The following NOL4 variants were observed in gnomAD, a reference collection of about 807,000 sequenced individuals.
The protein encoded by NOL4 is nucleolar protein 4, also known as cancer/testis antigen 125.
Under a neutral mutation model 75.9 loss-of-function variants are expected in NOL4, and 17 were observed. The observed-to-expected ratio is 0.22, with a 90% CI of 0.15 to 0.34. The LOEUF (loss-of-function observed/expected upper bound fraction) is 0.34. Among genes scored for constraint, NOL4 ranks in the 10% least tolerant of loss-of-function variants. NOL4 has a pLI of 1.00. For synonymous variants in NOL4, 292 were observed against 289.9 expected, an observed-to-expected ratio of 1.01 and a Z score of -0.07; for missense variants, 614 against 793.5, an observed-to-expected ratio of 0.77 and a Z score of 2.72.
In NOL4 at chr18:33,958,427, A is replaced by G; in HGVS notation, c.1057-9T>C. ...TAACTATGTGCAGGAGACTGAAAAG[A>G]GAAGGTGAAATAACTGCTTTTAAAT... On this transcript the variant is annotated splice_polypyrimidine_tract_variant and intron_variant, in intron 6 of 10. Transcript: ENST00000261592. 1 of 1,588,988 alleles carries G rather than the reference A, an allele frequency of 6.3e-7. No individual in the cohort carries two copies. Among genetic ancestry groups the G allele is most frequent in the African/African-American group, 1.3e-5 (1 of 74,086 alleles).
intron 5 of NOL4, among the ~76,000 whole-genome samples, chr18:34,073,228 T>A (rs1462822521): frequency 1.3e-5 from 2 of 151,978 alleles, no homozygotes; most frequent in Non-Finnish European, 2.9e-5. Context: ...ATATCAGGAA[T>A]GAAAGGTGAT....
intron 5 of NOL4, among the ~76,000 whole-genome samples, chr18:34,058,570 C>T (rs758325571): frequency 6.6e-6 from 1 of 152,154 alleles, no homozygotes; most frequent in Non-Finnish European, 1.5e-5. Context: ...CATTTACCAT[C>T]TGGGTGTAAT....
intron 8 of NOL4, among the ~76,000 whole-genome samples, chr18:33,949,116 A>C (rs942223184): frequency 3.3e-5 from 5 of 152,074 alleles, no homozygotes; most frequent in African/African-American, 1.2e-4. Context: ...AGGCCCCACT[A>C]TGGGTGTTAT....
intron 6 of NOL4, among the ~76,000 whole-genome samples, chr18:33,985,774 A>G (rs1297581203): frequency 6.6e-6 from 1 of 152,108 alleles, no homozygotes; most frequent in African/African-American, 2.4e-5. Flanking sequence ...TCTTTGTTGT[A>G]TGTTGGGAAA....
intron 9 of NOL4, among the ~76,000 whole-genome samples, chr18:33,897,234 C>G (rs1483375674): frequency 3.9e-5 from 6 of 152,082 alleles, no homozygotes; most frequent in African/African-American, 1.4e-4. Flanking sequence ...AAAAGCAGAA[C>G]TACCATTTGA....
intron 5 of NOL4, among the ~76,000 whole-genome samples, chr18:34,035,340 T>G (rs1351972903): frequency 6.6e-6 from 1 of 152,098 alleles, no homozygotes; most frequent in African/African-American, 2.4e-5. Context: ...TAGTTGGAAA[T>G]TAAACAATAT....
intron 1 of NOL4, among the ~76,000 whole-genome samples, chr18:34,132,386 C>G (rs1229609724): frequency 6.6e-6 from 1 of 152,140 alleles, no homozygotes; most frequent in East Asian, 1.9e-4. Flanking sequence ...CAAATTGTGC[C>G]ATAGGAGCAT....
intron 9 of NOL4, among the ~76,000 whole-genome samples, chr18:33,889,846 G>T (rs1039543390): frequency 2.6e-5 from 4 of 152,108 alleles, no homozygotes; most frequent in African/African-American, 9.7e-5. Flanking sequence ...AGTCCTTCAT[G>T]CTAAAAACTC....
chr18:33,922,952 TTC>T (rs1364558561), intron 9 of NOL4, among the ~76,000 whole-genome samples: 1 of 152,154 alleles, frequency 6.6e-6, no homozygotes, highest in South Asian at 2.1e-4. Context: ...ATTATTGAAA[TTC>T]TGTTTAAAAA....
At chr18:34,091,819 G>C (rs2078536017) in intron 5 of NOL4, among the ~76,000 whole-genome samples, 1 of 152,144 alleles carries the variant, frequency 6.6e-6, no homozygotes, top group African/African-American at 2.4e-5. Flanking sequence ...TGTAAGGCAA[G>C]GAAGGGTTAG....
At chr18:34,059,216 T>G (rs1190452403) in intron 5 of NOL4, among the ~76,000 whole-genome samples, 1 of 149,822 alleles carries the variant, frequency 6.7e-6, no homozygotes, top group African/African-American at 2.4e-5. Context: ...AGACCAACTC[T>G]CTGTGAGAGT....
At chr18:34,074,517 C>T (rs12458312) in intron 5 of NOL4, among the ~76,000 whole-genome samples, 58,380 of 151,478 alleles carry the variant, frequency 0.39, 11,402 homozygotes, top group Admixed American at 0.47. Flanking sequence ...TTATAGTATC[C>T]ATTTTTTATG....
intron 2 of NOL4, among the ~76,000 whole-genome samples, chr18:34,112,166 C>T (rs1024497284): frequency 3.3e-5 from 5 of 151,986 alleles, no homozygotes; most frequent in African/African-American, 7.3e-5. Flanking sequence ...GTCAGGAGTT[C>T]GAGACCAGCC....
At chr18:34,096,116 C>T (rs1211570731) in intron 4 of NOL4, among the ~76,000 whole-genome samples, 3 of 151,920 alleles carry the variant, frequency 2.0e-5, no homozygotes, top group Non-Finnish European at 4.4e-5. Flanking sequence ...TGTATGCTGA[C>T]ACTCTTGCCA....
chr18:34,003,253 T>C (rs1204037106), intron 6 of NOL4, among the ~76,000 whole-genome samples: 1 of 152,100 alleles, frequency 6.6e-6, no homozygotes, highest in Non-Finnish European at 1.5e-5. Flanking sequence ...GTGAGTATCT[T>C]TATTATTGTA....
intron 1 of NOL4, among the ~76,000 whole-genome samples, chr18:34,219,859 T>C (rs1380751655): frequency 1.3e-5 from 2 of 152,242 alleles, no homozygotes; most frequent in African/African-American, 4.8e-5. Flanking sequence ...AGACCTAAAA[T>C]GGCTGAGTTG....
intron 5 of NOL4, among the ~76,000 whole-genome samples, chr18:34,074,385 ATAT>A (rs1480149245): frequency 1.3e-5 from 2 of 151,878 alleles, no homozygotes; most frequent in Non-Finnish European, 2.9e-5. Flanking sequence ...AACACTCTTC[ATAT>A]TGTTGTGGTA....
chr18:33,872,671 G>A (rs2063755254), intron 10 of NOL4, among the ~76,000 whole-genome samples: 1 of 151,940 alleles, frequency 6.6e-6, no homozygotes, highest in Non-Finnish European at 1.5e-5. Flanking sequence ...TGTTAAATCA[G>A]TAGGCTCTCA....
At chr18:34,069,423 T>C (rs2077416296) in intron 5 of NOL4, among the ~76,000 whole-genome samples, 1 of 152,112 alleles carries the variant, frequency 6.6e-6, no homozygotes, top group African/African-American at 2.4e-5. Context: ...AAAATACACA[T>C]ACAATTATGT....
Sources: allele counts gnomAD v4.1 joint callset (sites outside exome capture counted in the v4.1 genomes callset), GRCh38; gene constraint gnomAD v4.1.1; transcripts MANE v1.5; gene names NCBI Gene and HGNC (gene_info 2026-07-23, HGNC 2026-07-21).